PTPRD: variants seen among roughly 807,000 people sequenced by gnomAD.
PTPRD encodes the protein receptor-type tyrosine-protein phosphatase delta.
In PTPRD, 34 loss-of-function variants were observed where a neutral mutation model predicts 214.5. That is an observed-to-expected ratio of 0.16 (90% CI 0.12 to 0.21). The LOEUF is 0.21. Ranked by LOEUF, PTPRD falls within the 10% of genes least tolerant of loss-of-function variation. The pLI is 1.00. For synonymous variants in PTPRD, 1,128 were observed against 845.7 expected (o/e 1.33, Z -5.79); for missense variants, 2,545 against 2,398.7 (o/e 1.06, Z -1.27).
chr9:9,403,667 A>T (rs1268266645), intron 8 of PTPRD, among the ~76,000 whole-genome samples: 1 of 152,116 alleles, frequency 6.6e-6, no homozygotes, highest in African/African-American at 2.4e-5. Context: ...GAGTAAGATA[A>T]TTTATTAATT....
intron 9 of PTPRD, among the ~76,000 whole-genome samples, chr9:9,324,654 T>C (rs941179858): frequency 6.6e-6 from 1 of 152,202 alleles, no homozygotes; most frequent in Non-Finnish European, 1.5e-5. Flanking sequence ...CTGTTCACTC[T>C]GATGGTAGTT....
At chr9:9,589,454 T>A (rs1592330262) in intron 7 of PTPRD, among the ~76,000 whole-genome samples, 1 of 151,976 alleles carries the variant, frequency 6.6e-6, no homozygotes, top group African/African-American at 2.4e-5. Context: ...TTGTAGCAAT[T>A]AAGACAGGTT....
At chr9:10,420,986 T>C (rs1398850158) in intron 2 of PTPRD, among the ~76,000 whole-genome samples, 1 of 151,864 alleles carries the variant, frequency 6.6e-6, no homozygotes, top group Non-Finnish European at 1.5e-5. Context: ...TTCCAATCAT[T>C]TGGCTTCCCT....
intron 8 of PTPRD, among the ~76,000 whole-genome samples, chr9:9,492,971 A>T (rs1056933367): frequency 6.8e-6 from 1 of 146,362 alleles, no homozygotes; most frequent in African/African-American, 2.6e-5. Context: ...ATACTAGATA[A>T]ATGTATGTGG....
intron 4 of PTPRD, among the ~76,000 whole-genome samples, chr9:9,970,434 AAAAAAAAAAG>A (rs913893367): frequency 8.7e-5 from 12 of 138,676 alleles, no homozygotes; most frequent in Non-Finnish European, 7.9e-5. Flanking sequence ...CTTCTCAAAA[AAAAAAAAAAG>A]AAAAAGAAAA....
chr9:9,340,720 AC>A (rs1166442348), intron 9 of PTPRD, among the ~76,000 whole-genome samples: 1 of 152,336 alleles, frequency 6.6e-6, no homozygotes, highest in East Asian at 1.9e-4. Flanking sequence ...ATATTTCCTT[AC>A]TTATAGGAAT....
At chr9:10,065,180 A>AAAGAAAGAAAGG (rs61613760) in intron 3 of PTPRD, among the ~76,000 whole-genome samples, 5,749 of 150,288 alleles carry the variant, frequency 0.038, 171 homozygotes, top group South Asian at 0.094. Flanking sequence ...AGAAAGAAAG[A>AAAGAAAGAAAGG]AAGAAAGAAA....
intron 3 of PTPRD, among the ~76,000 whole-genome samples, chr9:10,164,360 G>A (rs2099146366): frequency 6.6e-6 from 1 of 151,384 alleles, no homozygotes; most frequent in Non-Finnish European, 1.5e-5. Flanking sequence ...TAACTGAATT[G>A]AACTGTTTCT....
At chr9:10,236,598 A>G (rs147964780) in intron 3 of PTPRD, among the ~76,000 whole-genome samples, 2,193 of 152,002 alleles carry the variant, frequency 0.014, 14 homozygotes, top group Non-Finnish European at 0.022. Flanking sequence ...TACACAATAT[A>G]TAATAAGTTA....
intron 9 of PTPRD, among the ~76,000 whole-genome samples, chr9:9,382,144 T>C (rs1173486937): frequency 1.4e-5 from 2 of 143,422 alleles, no homozygotes; most frequent in Admixed American, 7.1e-5. Flanking sequence ...TGTGCTATTG[T>C]AAATGGGATT....
At chr9:9,382,688 T>G (rs769122850) in intron 9 of PTPRD, among the ~76,000 whole-genome samples, 1 of 152,156 alleles carries the variant, frequency 6.6e-6, no homozygotes, top group Non-Finnish European at 1.5e-5. Flanking sequence ...ATTGGGACTC[T>G]TGCACATTGT....
chr9:8,514,880 G>A (rs1287803296), intron 21 of PTPRD, among the ~76,000 whole-genome samples: 5 of 152,074 alleles, frequency 3.3e-5, no homozygotes, highest in Non-Finnish European at 5.9e-5. Flanking sequence ...CTCCTATGCC[G>A]TTGTCGTGAT....
At chr9:10,608,178 A>G (rs373335811) in intron 2 of PTPRD, among the ~76,000 whole-genome samples, 3 of 152,072 alleles carry the variant, frequency 2.0e-5, no homozygotes, top group African/African-American at 4.8e-5. Flanking sequence ...GTGATGCTGC[A>G]AAATAGCATA....
intron 5 of PTPRD, among the ~76,000 whole-genome samples, chr9:9,886,464 A>G (rs1398513545): frequency 2.0e-5 from 3 of 152,154 alleles, no homozygotes; most frequent in African/African-American, 7.2e-5. Flanking sequence ...AGAGTCCTGA[A>G]GAAAGGAGGC....
intron 2 of PTPRD, among the ~76,000 whole-genome samples, chr9:10,601,605 T>G (rs2133374413): frequency 6.6e-6 from 1 of 151,910 alleles, no homozygotes. Flanking sequence ...ACAAAAACTT[T>G]GGACCTGAAT....
intron 9 of PTPRD, among the ~76,000 whole-genome samples, chr9:9,249,701 G>T (rs1289257397): frequency 6.6e-6 from 1 of 152,040 alleles, no homozygotes; most frequent in Non-Finnish European, 1.5e-5. Context: ...GTAGAAGTGA[G>T]CTTCCACGGT....
chr9:10,138,975 GA>G (rs1259445241), intron 3 of PTPRD, among the ~76,000 whole-genome samples: 3 of 151,728 alleles, frequency 2.0e-5, no homozygotes, highest in Admixed American at 1.3e-4. Context: ...CACCCCCCTT[GA>G]GAACAAGGCA....
At chr9:9,856,615 T>TA (rs5896354) in intron 5 of PTPRD, among the ~76,000 whole-genome samples, 67,763 of 149,028 alleles carry the variant, frequency 0.45, 17,485 homozygotes, top group Non-Finnish European at 0.6. Flanking sequence ...AATGAATTGT[T>TA]AAAAAAAAAG....
At chr9:8,452,570 A>G (rs2096003355) in intron 33 of PTPRD, among the ~76,000 whole-genome samples, 1 of 152,244 alleles carries the variant, frequency 6.6e-6, no homozygotes, top group Admixed American at 6.5e-5. Context: ...GAATAGAAAC[A>G]GATTTTAAAT....
Sources: gnomAD v4.1 joint callset for allele counts (sites outside exome capture counted in the v4.1 genomes callset) on GRCh38, gnomAD v4.1.1 for gene constraint, MANE v1.5 for transcripts, NCBI Gene and HGNC (gene_info 2026-07-23, HGNC 2026-07-21) for gene names.